The following LEPR variants were observed in gnomAD, a reference collection of about 807,000 sequenced individuals.
LEPR encodes leptin receptor.
LEPR carries 56 observed loss-of-function variants against 114.7 expected under a neutral mutation model. The ratio of observed to expected loss-of-function variants is 0.49; its 90% CI spans 0.39 to 0.61. The LOEUF is 0.61. Ranked by LOEUF, LEPR falls within the 20% of genes least tolerant of loss-of-function variation. The pLI is 0.00. For missense variants in LEPR, 1,202 were observed against 1,352.9 expected, an observed-to-expected ratio of 0.89 and a Z score of 1.75; for synonymous variants, 443 against 461.4, an observed-to-expected ratio of 0.96 and a Z score of 0.51.
chr1:65,612,872 C>G (rs1441575962), intron 14 of LEPR, among the ~76,000 whole-genome samples: 1 of 152,170 alleles, frequency 6.6e-6, no homozygotes, highest in African/African-American at 2.4e-5. Flanking sequence ...ATGTGACTTA[C>G]CATAGTTGAT....
chr1:65,607,993 C>G (rs997993007), intron 11 of LEPR, among the ~76,000 whole-genome samples: 1 of 152,110 alleles, frequency 6.6e-6, no homozygotes, highest in Non-Finnish European at 1.5e-5. Flanking sequence ...CCATCTTTGC[C>G]TCTATTACTG....
intron 2 of LEPR, among the ~76,000 whole-genome samples, chr1:65,531,055 G>A (rs772506731): frequency 6.6e-6 from 1 of 152,044 alleles, no homozygotes. Context: ...TGGATTTCTG[G>A]TTCACACAGA....
At chr1:65,428,355 G>A (rs1053321125) in intron 2 of LEPR, among the ~76,000 whole-genome samples, 6 of 152,182 alleles carry the variant, frequency 3.9e-5, no homozygotes, top group Non-Finnish European at 8.8e-5. Context: ...CTGTGGATAT[G>A]TAAGGTGACA....
intron 2 of LEPR, among the ~76,000 whole-genome samples, chr1:65,549,720 T>A (rs1436532599): frequency 6.6e-6 from 1 of 152,158 alleles, no homozygotes; most frequent in Non-Finnish European, 1.5e-5. Flanking sequence ...TTGTCTAAAT[T>A]TTTTTCAAAG....
At chr1:65,596,249 T>C (rs978307198) in intron 6 of LEPR, among the ~76,000 whole-genome samples, 199 bp from the exon 7 acceptor site, 1 of 152,114 alleles carries the variant, frequency 6.6e-6, no homozygotes, top group African/African-American at 2.4e-5. Context: ...TGAATATACA[T>C]GGATTGCTAT....
chr1:65,432,586 C>A (rs554831303), intron 2 of LEPR: 3 of 974,666 alleles, frequency 3.1e-6, no homozygotes, highest in East Asian at 2.3e-4. Context: ...AAAAAAGTCT[C>A]ACCTGCTTTC....
At chr1:65,565,739 T>G (rs28688643) in intron 3 of LEPR, 134 bp downstream of exon 3, 2 of 1,208,324 alleles carry the variant, frequency 1.7e-6, no homozygotes, top group Admixed American at 2.0e-5. Context: ...TGCTTATGAT[T>G]AAAAATGCAA....
At chr1:65,435,286 A>G in intron 2 of LEPR, 1 of 985,080 alleles carries the variant, frequency 1.0e-6, no homozygotes, top group South Asian at 4.7e-5. Context: ...TCAAGGCTGA[A>G]ATAGTTCATT....
chr1:65,540,065 T>C (rs1651079890), intron 2 of LEPR, among the ~76,000 whole-genome samples: 1 of 152,214 alleles, frequency 6.6e-6, no homozygotes, highest in African/African-American at 2.4e-5. Flanking sequence ...GACAGTTACA[T>C]GGAGCTAGTT....
At chr1:65,572,572 T>A in intron 5 of LEPR, 123 bp downstream of exon 5, 1 of 1,011,918 alleles carries the variant, frequency 9.9e-7, no homozygotes, top group Non-Finnish European at 1.4e-6. Flanking sequence ...TTTTATTTTT[T>A]AATATAGCAT....
At chr1:65,580,354 C>A (rs1295178858) in intron 5 of LEPR, among the ~76,000 whole-genome samples, 1 of 152,136 alleles carries the variant, frequency 6.6e-6, no homozygotes, top group African/African-American at 2.4e-5. Context: ...ATCAGACTCA[C>A]CTATTTTGGA....
intron 2 of LEPR, among the ~76,000 whole-genome samples, chr1:65,558,549 G>GTT (rs1189982161): frequency 4.4e-4 from 4 of 9,124 alleles, no homozygotes; most frequent in Admixed American, 1.5e-3. Context: ...TTTTTTTTTT[G>GTT]TTTTTTTTTT....
chr1:65,495,004 G>A (rs1466512527), intron 2 of LEPR, among the ~76,000 whole-genome samples: 1 of 151,998 alleles, frequency 6.6e-6, no homozygotes, highest in African/African-American at 2.4e-5. Flanking sequence ...TCTGGGCAAA[G>A]ATTTTATCAA....
In LEPR at chr1:65,605,083, T is replaced by G. The variant is rs771037655; in HGVS notation, c.1449T>G (p.Ser483=). The G allele has an allele frequency of 6.2e-7, 1 of 1,613,956 alleles. No homozygotes were observed. Among genetic ancestry groups the G allele is most frequent in the Non-Finnish European group, 8.5e-7 (1 of 1,180,038 alleles). The change falls in exon 11 of 20, where the codon TCT becomes TCG. Residue 483 remains serine (S), a synonymous_variant. Transcript: ENST00000349533. ...CSDIPSIHPI[S]EPKDCYLQSD... is the part of the protein sequence containing the mutation. ...ATATTCCATCTATTCATCCCATATC[T>G]GAGCCCAAAGATTGCTATTTGCAGA...
intron 2 of LEPR, among the ~76,000 whole-genome samples, chr1:65,449,823 A>G (rs1369929335): frequency 1.4e-5 from 2 of 139,690 alleles, no homozygotes; most frequent in African/African-American, 5.4e-5. Flanking sequence ...TCTTTTTTCT[A>G]GTTTTTTAAG....
intron 2 of LEPR, among the ~76,000 whole-genome samples, chr1:65,466,013 T>C (rs1233204324): frequency 1.3e-5 from 2 of 152,236 alleles, no homozygotes; most frequent in African/African-American, 4.8e-5. Flanking sequence ...TTGGGGCATT[T>C]AGCCCATTTA....
chr1:65,626,789 G>A (rs558544355), intron 19 of LEPR, among the ~76,000 whole-genome samples: 18 of 152,080 alleles, frequency 1.2e-4, no homozygotes, highest in Middle Eastern at 3.4e-3. Flanking sequence ...GACCATAGGC[G>A]CGTGCCACCA....
intron 2 of LEPR, among the ~76,000 whole-genome samples, chr1:65,501,646 A>G (rs1343839011): frequency 6.6e-6 from 1 of 152,016 alleles, no homozygotes. Flanking sequence ...AACCCAAAAC[A>G]GTAGCGTTCC....
intron 19 of LEPR, among the ~76,000 whole-genome samples, chr1:65,626,527 C>G (rs1397050651): frequency 6.6e-6 from 1 of 152,040 alleles, no homozygotes; most frequent in East Asian, 1.9e-4. Context: ...TATAATAGAA[C>G]ATTTAAAGAG....
Sources: allele counts gnomAD v4.1 joint callset (sites outside exome capture counted in the v4.1 genomes callset), GRCh38; gene constraint gnomAD v4.1.1; transcripts MANE v1.5; gene names NCBI Gene and HGNC (gene_info 2026-07-23, HGNC 2026-07-21).